Variants in N4BP2 observed in about 807,000 individuals in gnomAD.
The protein encoded by N4BP2 is NEDD4-binding protein 2.
Under a neutral mutation model 152.8 loss-of-function variants are expected in N4BP2, and 91 were observed. The observed-to-expected ratio is 0.60, with a 90% CI of 0.50 to 0.71. The LOEUF (loss-of-function observed/expected upper bound fraction) is 0.71, where lower values mean the gene tolerates loss of function less well. N4BP2 is among the 30% of genes least tolerant of loss of function. The pLI, the probability that N4BP2 is intolerant of heterozygous loss-of-function variation, is 0.00. For missense variants in N4BP2, 1,923 were observed against 2,059.1 expected, an observed-to-expected ratio of 0.93 and a Z score of 1.28; for synonymous variants, 646 against 705.3, an observed-to-expected ratio of 0.92 and a Z score of 1.33.
chr4:40,171,844 G>A, the N4BP2 span, among the ~76,000 whole-genome samples: 14 of 152,326 alleles, frequency 9.2e-5, no homozygotes, highest in East Asian at 1.3e-3. Context: ...TGGATGTGGA[G>A]TCTGATGTTC....
intron 12 of N4BP2, among the ~76,000 whole-genome samples, chr4:40,129,649 C>T (rs1204139674): frequency 6.6e-6 from 1 of 150,688 alleles, no homozygotes. Context: ...TTTTTTTTCT[C>T]GAATAGAGAT....
chr4:40,122,236 T>C lies in N4BP2; in HGVS notation c.4125T>C (p.Cys1375=), dbSNP rs1718005828. 3 of 1,609,688 alleles carry C rather than the reference T, an allele frequency of 1.9e-6. No homozygotes were observed. Among genetic ancestry groups the C allele is most frequent in the South Asian group, 2.2e-5 (2 of 90,632 alleles). Residue 1375 remains cysteine (C), a synonymous_variant, in exon 9 of 18, where the codon TGT becomes TGC. Coordinates refer to ENST00000261435, the MANE Select transcript of N4BP2 (RefSeq NM_018177.6). Reference sequence around the variant, plus strand: ...TGGCCAAATCTCTGACCATAGACTGTCTGGAATTGGCATTACCCCCTGAAC... The same window carrying C: ...TGGCCAAATCTCTGACCATAGACTGCCTGGAATTGGCATTACCCCCTGAAC... The part of the protein sequence containing the change: ...PAMAKSLTID[C]LELALPPELA...
At chr4:40,109,457 C>A (rs2109976183) in intron 5 of N4BP2, among the ~76,000 whole-genome samples, 1 of 152,230 alleles carries the variant, frequency 6.6e-6, no homozygotes, top group South Asian at 2.1e-4. Context: ...GTGGCTCATG[C>A]CTGTAATTCC....
chr4:40,186,941 C>T, the N4BP2 span, among the ~76,000 whole-genome samples: 1 of 152,180 alleles, frequency 6.6e-6, no homozygotes, highest in Non-Finnish European at 1.5e-5. Flanking sequence ...GGCCCAATTG[C>T]AATTTATAAA....
At position 40,097,236 on chromosome 4, in the gene N4BP2, C is replaced by A; in HGVS notation, c.-105C>A. On this transcript the variant is annotated 5_prime_UTR_variant, in exon 3 of 18. In the 5' UTR this introduces an upstream ATG that the reference lacks. Transcript: ENST00000261435. ...TTGCTTTCTATTTTAGGTCTTTTTACTGCTGGATTGTGCAAGATATTTAAC... is the reference window on the plus strand; with the variant it reads ...TTGCTTTCTATTTTAGGTCTTTTTAATGCTGGATTGTGCAAGATATTTAAC... 1 of 874,402 alleles carries A rather than the reference C, an allele frequency of 1.1e-6. No homozygotes were observed. The highest frequency in any genetic ancestry group is 1.8e-6 in the Non-Finnish European group (1 of 548,118). The allele number at this position is 874,402 out of a possible 1,614,324, so 54.2% of individuals were successfully genotyped here. A position where few individuals can be genotyped will look rare whatever the true frequency, so the allele number is the denominator to read the frequency against.
chr4:40,130,001 A>G (rs1185188252), intron 12 of N4BP2, among the ~76,000 whole-genome samples: 1 of 152,128 alleles, frequency 6.6e-6, no homozygotes, highest in Non-Finnish European at 1.5e-5. Context: ...TGAATTTTTT[A>G]GTAAGTTTAG....
chr4:40,058,303 C>T (rs1184387800), intron 1 of N4BP2, among the ~76,000 whole-genome samples: 1 of 152,046 alleles, frequency 6.6e-6, no homozygotes, highest in Non-Finnish European at 1.5e-5. Context: ...ATCGTGTGTT[C>T]TGTGTTTTGA....
intron 16 of N4BP2, among the ~76,000 whole-genome samples, chr4:40,147,744 C>G (rs1287871537): frequency 6.6e-6 from 1 of 151,464 alleles, no homozygotes; most frequent in Admixed American, 6.6e-5. Flanking sequence ...GGGTGGCTGC[C>G]GGGCGGAGGG....
At chr4:40,067,657 A>G (rs1045932731) in intron 1 of N4BP2, among the ~76,000 whole-genome samples, 6 of 152,074 alleles carry the variant, frequency 3.9e-5, no homozygotes, top group Non-Finnish European at 7.4e-5. Context: ...AGTAGTACAC[A>G]AGGGTTCCAG....
At chr4:40,128,937 T>C (rs1295651373) in intron 12 of N4BP2, among the ~76,000 whole-genome samples, 2 of 152,252 alleles carry the variant, frequency 1.3e-5, no homozygotes, top group Non-Finnish European at 2.9e-5. Flanking sequence ...AAAACTTGTC[T>C]TTACAGTTCT....
At chr4:40,146,095 G>A (rs1042093309) in intron 16 of N4BP2, among the ~76,000 whole-genome samples, 41 of 152,078 alleles carry the variant, frequency 2.7e-4, no homozygotes, top group African/African-American at 5.5e-4. Context: ...CCCTGGAGGC[G>A]GAGGTTGCAG....
At chr4:40,182,671 A>G in the N4BP2 span, among the ~76,000 whole-genome samples, 1 of 150,374 alleles carries the variant, frequency 6.7e-6, no homozygotes, top group Non-Finnish European at 1.5e-5. Context: ...TGGTCCATTT[A>G]ATATATATAT....
chr4:40,071,716 G>A (rs1349774031), intron 1 of N4BP2, among the ~76,000 whole-genome samples: 1 of 150,962 alleles, frequency 6.6e-6, no homozygotes, highest in Non-Finnish European at 1.5e-5. Flanking sequence ...ACAGGCTCTC[G>A]CCACCACGCC....
At chr4:40,069,497 G>A (rs577025804) in intron 1 of N4BP2, among the ~76,000 whole-genome samples, 2 of 151,580 alleles carry the variant, frequency 1.3e-5, no homozygotes, top group East Asian at 1.9e-4. Flanking sequence ...TTTTCTTCTC[G>A]ACATGTAAGG....
intron 7 of N4BP2, among the ~76,000 whole-genome samples, chr4:40,115,390 G>A (rs374339859): frequency 6.6e-5 from 10 of 152,032 alleles, no homozygotes; most frequent in Admixed American, 2.6e-4. Flanking sequence ...CCAGGTACTC[G>A]GATGCTGAGG....
At chr4:40,154,124 T>G in intron 17 of N4BP2, 68 bp from the exon 18 acceptor site, 1 of 1,081,980 alleles carries the variant, frequency 9.2e-7, no homozygotes, top group Non-Finnish European at 1.4e-6. Context: ...TGGAATTGAT[T>G]ACAAGGTATA....
chr4:40,084,240 C>G (rs969054904), intron 2 of N4BP2, among the ~76,000 whole-genome samples: 7 of 152,108 alleles, frequency 4.6e-5, no homozygotes, highest in Middle Eastern at 3.2e-3. Context: ...CGTGAGCCAC[C>G]GCACCCAGCT....
At position 40,102,844 on chromosome 4, in the gene N4BP2, A is replaced by G; in HGVS notation, c.999A>G (p.Glu333=). The G allele has an allele frequency of 6.2e-7, 1 of 1,614,182 alleles. No individual in the cohort carries two copies. The highest frequency in any genetic ancestry group is 8.5e-7 in the Non-Finnish European group (1 of 1,180,040). The change falls in exon 4 of 18, where the codon GAA becomes GAG. Residue 333 remains glutamate, a synonymous_variant. Transcript: ENST00000261435. ...GFNFKPHKHP[E]LPTKGKDVSY... is the part of the protein sequence containing the mutation. ...ACTTCAAGCCACACAAACATCCTGA[A>G]CTGCCAACTAAGGGGAAGGATGTGA...
chr4:40,107,122 C>A (rs1180158936), intron 5 of N4BP2, 98 bp downstream of exon 5: 8 of 1,297,030 alleles, frequency 6.2e-6, no homozygotes, highest in Non-Finnish European at 8.7e-6. Context: ...TTTTTTGAGA[C>A]AGGGTCTCGC....
Sources: allele counts gnomAD v4.1 joint callset (sites outside exome capture counted in the v4.1 genomes callset), GRCh38; gene constraint gnomAD v4.1.1; transcripts MANE v1.5; gene names NCBI Gene and HGNC (gene_info 2026-07-23, HGNC 2026-07-21).